SBF2: variants seen among roughly 807,000 people sequenced by gnomAD.
SBF2 encodes SET binding factor 2.
SBF2 carries 112 observed loss-of-function variants against 225.2 expected under a neutral mutation model. That is an observed-to-expected ratio of 0.50 (90% CI 0.43 to 0.58). SBF2 has a LOEUF of 0.58. Ranked by LOEUF, SBF2 falls within the 20% of genes least tolerant of loss-of-function variation. The pLI, the probability that SBF2 is intolerant of heterozygous loss-of-function variation, is 0.00. For synonymous variants in SBF2, 763 were observed against 773.3 expected, an observed-to-expected ratio of 0.99 and a Z score of 0.22; for missense variants, 1,996 against 2,206.2, an observed-to-expected ratio of 0.90 and a Z score of 1.91.
intron 6 of SBF2, among the ~76,000 whole-genome samples, chr11:10,009,858 T>A (rs1434980073): frequency 6.9e-6 from 1 of 144,232 alleles, no homozygotes; most frequent in Non-Finnish European, 1.6e-5. Flanking sequence ...TTGAACTAAT[T>A]TACACTCCCA....
intron 2 of SBF2, among the ~76,000 whole-genome samples, chr11:10,114,373 C>T (rs985876636): frequency 3.9e-5 from 6 of 152,092 alleles, no homozygotes; most frequent in Non-Finnish European, 8.8e-5. Flanking sequence ...GATGGCATTT[C>T]TTATTCTTTT....
chr11:10,285,795 C>T (rs1963721557), intron 1 of SBF2, among the ~76,000 whole-genome samples: 1 of 152,034 alleles, frequency 6.6e-6, no homozygotes, highest in Non-Finnish European at 1.5e-5. Context: ...GCATTTTGTC[C>T]AATTCTTTCT....
chr11:10,128,686 C>T (rs1453700616), intron 2 of SBF2, among the ~76,000 whole-genome samples: 1 of 152,154 alleles, frequency 6.6e-6, no homozygotes, highest in Non-Finnish European at 1.5e-5. Flanking sequence ...AAAGAAAATA[C>T]TGCTGTTCAG....
At chr11:9,851,334 G>GA (rs1856938525) in intron 21 of SBF2, among the ~76,000 whole-genome samples, 1 of 152,064 alleles carries the variant, frequency 6.6e-6, no homozygotes, top group Admixed American at 6.6e-5. Flanking sequence ...GACTGCAGGG[G>GA]ACTTTCACTT....
At chr11:10,182,287 G>C (rs1360406402) in intron 2 of SBF2, among the ~76,000 whole-genome samples, 6 of 152,150 alleles carry the variant, frequency 3.9e-5, no homozygotes, top group Non-Finnish European at 8.8e-5. Flanking sequence ...AGTAGACCTA[G>C]AGAGATGACC....
chr11:9,925,523 A>C (rs558743541), intron 16 of SBF2, among the ~76,000 whole-genome samples: 127 of 152,108 alleles, frequency 8.3e-4, no homozygotes, highest in African/African-American at 2.8e-3. Context: ...TGATCCGCCC[A>C]CCTGGGCCTC....
Position 9,830,770 on chromosome 11 carries a change from CAAAACAA to C in SBF2, c.3653-1281_3653-1275del, listed in dbSNP as rs573556678. Among the ~76,000 whole-genome samples, 448 of 137,564 alleles carry C rather than the reference CAAAACAA, an allele frequency of 3.3e-3. 2 individuals are homozygous for C. The highest frequency in any genetic ancestry group is 5.5e-3 in the South Asian group (24 of 4,338). The allele number at this position is 137,564 out of a possible 152,430, so 90.2% of individuals were successfully genotyped here. ...CAAAAAAAAAAAAACAAAAACAAAA[CAAAACAA>C]AAAACAAAAAACAAAAAAACCCTAA... On this transcript the variant is annotated intron_variant, in intron 27 of 39. Transcript: ENST00000256190.
intron 28 of SBF2, among the ~76,000 whole-genome samples, chr11:9,826,625 T>G (rs1855076591): frequency 6.6e-6 from 1 of 151,988 alleles, no homozygotes; most frequent in African/African-American, 2.4e-5. Flanking sequence ...TGCTCACAAA[T>G]GTAAGGGATT....
chr11:10,125,879 A>C (rs1262133403), intron 2 of SBF2, among the ~76,000 whole-genome samples: 1 of 152,200 alleles, frequency 6.6e-6, no homozygotes, highest in Non-Finnish European at 1.5e-5. Context: ...GAAATTTTGT[A>C]GAATGTTCCA....
intron 2 of SBF2, among the ~76,000 whole-genome samples, chr11:10,049,422 C>T (rs903473340): frequency 2.0e-5 from 3 of 152,098 alleles, no homozygotes; most frequent in African/African-American, 7.2e-5. Context: ...GCCTGGCCAA[C>T]ATGGTGAAAC....
Position 9,856,686 on chromosome 11 carries a change from GT to G in SBF2, c.2134del (p.Thr712GlnfsTer16). On this transcript the variant is annotated frameshift_variant, in exon 19 of 40. Transcript: ENST00000256190. LOFTEE classifies it high-confidence loss of function. ...TTGCTCAGCTGCCAGGTCCATTGCT[GT>G]CTTCTCCTGATAATGGTCATCAGGA... is the stretch of plus-strand genomic sequence containing the variant. ...KLPDDHYQEKTAMDLAAEQLR... is the reference protein window; with the variant it reads ...KLPDDHYQEKXAMDLAAEQLR... 1 of 1,613,938 alleles carries G rather than the reference GT, an allele frequency of 6.2e-7. No individual in the cohort carries two copies. The highest frequency in any genetic ancestry group is 1.1e-5 in the South Asian group (1 of 91,080).
chr11:10,130,210 C>A (rs1057309642), intron 2 of SBF2, among the ~76,000 whole-genome samples: 8 of 151,608 alleles, frequency 5.3e-5, no homozygotes, highest in Non-Finnish European at 8.8e-5. Flanking sequence ...AAAATACAAA[C>A]AATTAGCCGG....
chr11:10,208,328 T>C (rs1400458627), intron 1 of SBF2, among the ~76,000 whole-genome samples: 2 of 152,162 alleles, frequency 1.3e-5, no homozygotes, highest in African/African-American at 2.4e-5. Flanking sequence ...TTAGGAAAAC[T>C]ATACCAGTTT....
chr11:10,250,473 T>C (rs1960236675), intron 1 of SBF2, among the ~76,000 whole-genome samples: 1 of 152,162 alleles, frequency 6.6e-6, no homozygotes, highest in South Asian at 2.1e-4. Flanking sequence ...AAATTGAATA[T>C]ACAGATGTGG....
At chr11:10,254,944 A>G (rs1960740018) in intron 1 of SBF2, among the ~76,000 whole-genome samples, 1 of 139,244 alleles carries the variant, frequency 7.2e-6, no homozygotes, top group Non-Finnish European at 1.6e-5. Context: ...AAAAAATCCT[A>G]TTATTTTCAA....
chr11:9,926,500 CCA>C (rs1348732003), intron 16 of SBF2, among the ~76,000 whole-genome samples: 1 of 151,956 alleles, frequency 6.6e-6, no homozygotes, highest in Non-Finnish European at 1.5e-5. Flanking sequence ...CCAATATAGA[CCA>C]TATACTGGAC....
chr11:9,968,455 T>A lies in SBF2; in HGVS notation c.1486A>T (p.Ile496Phe), dbSNP rs756876385. 6.2e-7 allele frequency: 1 copy of A among 1,613,930 alleles called. No homozygotes were observed. The highest frequency in any genetic ancestry group is 8.5e-7 in the Non-Finnish European group (1 of 1,179,962). ...LRVHILPFPE[I>F]NEARVQELIQ... ...AATTCCTGAACCCGGGCTTCATTAA[T>A]CTCTGGGAAAGGAAGAATATGAACT... Residue 496 changes from isoleucine (I) to phenylalanine (F), a missense_variant, in exon 14 of 40, where the codon ATT (isoleucine) becomes TTT (phenylalanine). Ile to Phe is a conservative substitution (Grantham distance 21, BLOSUM62 0). Coordinates refer to ENST00000256190, the MANE Select transcript of SBF2 (RefSeq NM_030962.4).
At chr11:10,212,301 G>C (rs998591698) in intron 1 of SBF2, among the ~76,000 whole-genome samples, 1 of 152,190 alleles carries the variant, frequency 6.6e-6, no homozygotes, top group African/African-American at 2.4e-5. Context: ...GCTCCCATCT[G>C]CCTCATGGAA....
At chr11:10,194,023 A>T in intron 1 of SBF2, 36 bp from the exon 2 acceptor site, 1 of 1,304,620 alleles carries the variant, frequency 7.7e-7, no homozygotes, top group Non-Finnish European at 1.1e-6. Flanking sequence ...TTATTATAGG[A>T]CACTAAAAAC....
Sources: allele counts gnomAD v4.1 joint callset (sites outside exome capture counted in the v4.1 genomes callset), GRCh38; gene constraint gnomAD v4.1.1; transcripts MANE v1.5; gene names NCBI Gene and HGNC (gene_info 2026-07-23, HGNC 2026-07-21).